Variants in PHC2 observed in about 807,000 individuals in gnomAD.
The protein encoded by PHC2 is polyhomeotic homolog 2, also known as polyhomeotic-like protein 2.
Under a neutral mutation model 87.4 loss-of-function variants are expected in PHC2, and 29 were observed. The observed-to-expected ratio is 0.33, with a 90% confidence interval of 0.25 to 0.45. PHC2 has a LOEUF of 0.45. PHC2 is among the 20% of genes least tolerant of loss of function. The probability of loss-of-function intolerance (pLI) is 1.00; values close to 1 mark genes in which losing one functional copy is unlikely to be tolerated. For missense variants in PHC2, 857 were observed against 1,136.7 expected (o/e 0.75, Z 3.54); for synonymous variants, 438 against 461.7 (o/e 0.95, Z 0.66).
At chr1:33,375,850 TA>T (rs1284275999) in intron 1 of PHC2, among the ~76,000 whole-genome samples, 6 of 152,254 alleles carry the variant, frequency 3.9e-5, no homozygotes, top group Admixed American at 3.9e-4. Flanking sequence ...AGAGATGGTT[TA>T]AAGTATATAG....
chr1:33,408,167 T>C (rs969879587), intron 1 of PHC2, among the ~76,000 whole-genome samples: 1 of 152,232 alleles, frequency 6.6e-6, no homozygotes, highest in Non-Finnish European at 1.5e-5. Flanking sequence ...TCGCCATTAC[T>C]GGAAGTGAAA....
intron 1 of PHC2, among the ~76,000 whole-genome samples, chr1:33,386,543 T>A (rs890682816): frequency 6.6e-6 from 1 of 151,516 alleles, no homozygotes; most frequent in African/African-American, 2.4e-5. Flanking sequence ...CCTATAAAAA[T>A]CTTTTCAAGC....
intron 1 of PHC2, among the ~76,000 whole-genome samples, chr1:33,394,815 C>T (rs1160387611): frequency 6.6e-6 from 1 of 152,214 alleles, no homozygotes; most frequent in African/African-American, 2.4e-5. Flanking sequence ...AGTGATCCTT[C>T]TGCCTTGGCC....
intron 1 of PHC2, among the ~76,000 whole-genome samples, chr1:33,424,097 C>CAAAAAAAAA: frequency 9.2e-6 from 1 of 108,736 alleles, no homozygotes; most frequent in Non-Finnish European, 1.9e-5. Flanking sequence ...GACTCCGTCT[C>CAAAAAAAAA]AAAAAAAAAA....
At chr1:33,341,426 G>A (rs552353276) in intron 9 of PHC2, among the ~76,000 whole-genome samples, 2 of 152,332 alleles carry the variant, frequency 1.3e-5, no homozygotes, top group East Asian at 3.9e-4. Context: ...ATCACATGTG[G>A]GCTGGAGCAT....
At position 33,375,355 on chromosome 1, in the gene PHC2, T is replaced by C; in HGVS notation, c.174+11A>G. The C allele has an allele frequency of 2.0e-6, 3 of 1,535,380 alleles. No individual in the cohort carries two copies. The highest frequency in any genetic ancestry group is 2.6e-6 in the Non-Finnish European group (3 of 1,137,410). ...TAAGGAGTATAATTCCCAGATCAAT[T>C]AGACTCTTACCTGCACGGTCTGCCG... On this transcript the variant is annotated intron_variant, in intron 2 of 14. Transcript: ENST00000683057.
chr1:33,375,857 T>C (rs1648149893), intron 1 of PHC2, among the ~76,000 whole-genome samples: 1 of 152,208 alleles, frequency 6.6e-6, no homozygotes, highest in Non-Finnish European at 1.5e-5. Flanking sequence ...GTTTAAAGTA[T>C]ATAGGAGGAT....
At chr1:33,408,295 C>T (rs1420612255) in intron 1 of PHC2, among the ~76,000 whole-genome samples, 1 of 152,120 alleles carries the variant, frequency 6.6e-6, no homozygotes, top group African/African-American at 2.4e-5. Context: ...AAATCATCAA[C>T]CAATAAGAAA....
chr1:33,356,445 C>T (rs1358799608), intron 7 of PHC2, among the ~76,000 whole-genome samples: 16 of 151,014 alleles, frequency 1.1e-4, no homozygotes, highest in South Asian at 4.2e-4. Context: ...TGCGGCCTTC[C>T]GCAGTGTTTG....
chr1:33,407,974 A>C lies in PHC2; in HGVS notation c.-55+23002T>G, dbSNP rs576388925. 5.9e-5 allele frequency among the ~76,000 whole-genome samples: 9 copies of C among 152,296 alleles called. No homozygotes were observed. In the South Asian group the frequency reaches 1.9e-3, roughly 32 times the overall value. ...GATCATGTGGGTCTAGAGCACAAACAAGGTGTGAGGGGGGAGAAAGAGGCT... is the reference window on the plus strand; with the variant it reads ...GATCATGTGGGTCTAGAGCACAAACCAGGTGTGAGGGGGGAGAAAGAGGCT... On this transcript the variant is annotated intron_variant, in intron 1 of 14. Coordinates refer to ENST00000683057, the MANE Select transcript of PHC2 (RefSeq NM_001385109.1).
rs1168616576 is a variant in PHC2, at chr1:33,424,128, C to CA, written c.-55+6847dup. The stretch of plus-strand genomic sequence containing the variant: ...AAAAAAAAACAAAAAAAACAAAAAA[C>CA]AAAAAAAAAGAAAGTGCTGAATATT... On this transcript the variant is annotated intron_variant, in intron 1 of 14. Transcript: ENST00000683057. Among the ~76,000 whole-genome samples, 27 of 145,968 alleles carry CA rather than the reference C, an allele frequency of 1.8e-4. 1 individual carries two copies. In the East Asian group the frequency reaches 3.0e-3, roughly 16 times the overall value.
At chr1:33,376,967 A>G (rs1284511792) in intron 1 of PHC2, among the ~76,000 whole-genome samples, 2 of 152,322 alleles carry the variant, frequency 1.3e-5, no homozygotes, top group South Asian at 2.1e-4. Flanking sequence ...TTTCAAAGCC[A>G]GAAGAGCTCA....
At position 33,334,149 on chromosome 1, in the gene PHC2, G is replaced by C; in HGVS notation, c.1702C>G (p.Gln568Glu). 1 of 1,614,050 alleles carries C rather than the reference G, an allele frequency of 6.2e-7. No individual in the cohort carries two copies. Among genetic ancestry groups the C allele is most frequent in the Non-Finnish European group, 8.5e-7 (1 of 1,179,984 alleles). Reference sequence around the variant, plus strand: ...CCTTCGATAACATGCGTCAGGATTTGGGGTTTCACAATGGCCTGTGGTGGT... The same window carrying C: ...CCTTCGATAACATGCGTCAGGATTTCGGGTTTCACAATGGCCTGTGGTGGT... Reference protein sequence around the residue: ...NKPPQAIVKPQILTHVIEGFV... With the variant: ...NKPPQAIVKPEILTHVIEGFV... The change falls in exon 10 of 15, where the codon CAA becomes GAA. Residue 568 changes from glutamine (Q) to glutamate (E), a missense_variant. By Grantham distance (29) the Gln-to-Glu change is conservative. Transcript: ENST00000683057. This position sits in a 1 kb window ranked among gnomAD's most constrained non-coding sequence, Gnocchi z 5.5.
At chr1:33,330,998 GC>G (rs1304803646) in intron 12 of PHC2, among the ~76,000 whole-genome samples, 2 of 152,198 alleles carry the variant, frequency 1.3e-5, no homozygotes, top group African/African-American at 4.8e-5. Flanking sequence ...CTGGGCGAGA[GC>G]TCACCAAGGG....
intron 9 of PHC2, among the ~76,000 whole-genome samples, chr1:33,339,507 G>A (rs1459727626): frequency 1.3e-5 from 2 of 152,094 alleles, no homozygotes; most frequent in African/African-American, 4.8e-5. Flanking sequence ...AGAGGTACAG[G>A]TGGACCTCTG....
chr1:33,351,746 G>C (rs1239013738), intron 9 of PHC2, among the ~76,000 whole-genome samples: 1 of 152,074 alleles, frequency 6.6e-6, no homozygotes. Flanking sequence ...GAGGTCAGGA[G>C]TTTGAGACCA....
At chr1:33,365,701 GA>G (rs1647410333) in intron 7 of PHC2, among the ~76,000 whole-genome samples, 1 of 152,268 alleles carries the variant, frequency 6.6e-6, no homozygotes, top group Non-Finnish European at 1.5e-5. Context: ...CCTCCGTGGG[GA>G]GGTGCCTTTC....
chr1:33,342,873 A>C (rs1445048619), intron 9 of PHC2, among the ~76,000 whole-genome samples: 2 of 152,184 alleles, frequency 1.3e-5, no homozygotes, highest in African/African-American at 4.8e-5. Context: ...AACCAATGGG[A>C]GAGGTTCTAC....
intron 1 of PHC2, among the ~76,000 whole-genome samples, chr1:33,430,326 G>A (rs906657700): frequency 5.3e-5 from 8 of 152,178 alleles, no homozygotes; most frequent in Non-Finnish European, 1.2e-4. Context: ...CAACCTTGGG[G>A]CCCGCTTTTC....
Sources: gnomAD v4.1 joint callset for allele counts (sites outside exome capture counted in the v4.1 genomes callset) on GRCh38, gnomAD v4.1.1 for gene constraint, Gnocchi (gnomAD v3.1) non-coding constraint, MANE v1.5 for transcripts, NCBI Gene and HGNC (gene_info 2026-07-23, HGNC 2026-07-21) for gene names.